The following SFTPD variants were observed in gnomAD, a reference collection of about 807,000 sequenced individuals.
The protein encoded by SFTPD is pulmonary surfactant-associated protein D.
SFTPD carries 18 observed loss-of-function variants against 34.6 expected under a neutral mutation model. The observed-to-expected ratio is 0.52, with a 90% CI of 0.36 to 0.77. The LOEUF (loss-of-function observed/expected upper bound fraction) is 0.77. SFTPD is among the 30% of genes least tolerant of loss of function. The pLI, the probability that SFTPD is intolerant of heterozygous loss-of-function variation, is 0.00. For synonymous variants in SFTPD, 155 were observed against 180.9 expected (o/e 0.86, Z 1.15); for missense variants, 433 against 468.9 (o/e 0.92, Z 0.71).
chr10:79,964,361 T>C (rs1842791705), intron 1 of SFTPD, among the ~76,000 whole-genome samples: 1 of 152,164 alleles, frequency 6.6e-6, no homozygotes. Context: ...AGGCATCAGA[T>C]CCCATTGCTC....
upstream of SFTPD, among the ~76,000 whole-genome samples, chr10:79,953,813 C>T (rs920630417): frequency 6.6e-6 from 1 of 152,010 alleles, no homozygotes; most frequent in Non-Finnish European, 1.5e-5. Flanking sequence ...TCATCGTGTC[C>T]CATAAGTCCC....
intron 1 of SFTPD, among the ~76,000 whole-genome samples, chr10:79,978,242 A>G (rs891965862): frequency 3.3e-5 from 5 of 152,256 alleles, no homozygotes; most frequent in Non-Finnish European, 7.3e-5. Flanking sequence ...CAAATGTAAT[A>G]CATCACAACA....
At position 79,967,485 on chromosome 10, in the gene SFTPD, G is replaced by A. The variant is rs1486203684; in HGVS notation, c.36+15090C>T. 1.2e-3 allele frequency among the ~76,000 whole-genome samples: 165 copies of A among 134,656 alleles called. 1 individual carries two copies. The highest frequency in any genetic ancestry group is 1.7e-3 in the Non-Finnish European group (108 of 64,656). The allele number at this position is 134,656 out of a possible 152,430, so 88.3% of individuals were successfully genotyped here. ...TTCATATGGAACCAAAAAAGAGCCC[G>A]CATCGCCAAGTCAATCCTAAGCCAA... On this transcript the variant is annotated intron_variant, in intron 1 of 5. Coordinates refer to the SFTPD transcript ENST00000444384.
chr10:79,981,805 G>A, intron 1 of SFTPD: 3 of 181,084 alleles, frequency 1.7e-5, no homozygotes, highest in South Asian at 1.7e-4. Context: ...CGACGCCCGG[G>A]GCGCCCAGCG....
intron 1 of SFTPD, chr10:79,970,091 T>C (rs777429624): frequency 6.6e-6 from 1 of 152,250 alleles, no homozygotes; most frequent in Non-Finnish European, 1.5e-5. Context: ...ATCTTCTGCA[T>C]GTGGACCTCC....
intron 1 of SFTPD, among the ~76,000 whole-genome samples, chr10:79,961,389 C>A (rs1022342100): frequency 1.0e-3 from 159 of 152,104 alleles, no homozygotes; most frequent in African/African-American, 3.4e-3. Context: ...ATTTTTGCAA[C>A]CTACTCATCT....
At chr10:79,942,677 G>A in intron 3 of SFTPD, 86 bp downstream of exon 3, 1 of 1,033,918 alleles carries the variant, frequency 9.7e-7, no homozygotes, top group South Asian at 1.3e-5. Flanking sequence ...CTTCTTCCTG[G>A]GATGGGCTCT....
intron 1 of SFTPD, among the ~76,000 whole-genome samples, chr10:79,959,403 C>G (rs1188007850): frequency 2.0e-5 from 3 of 151,948 alleles, no homozygotes; most frequent in Admixed American, 1.3e-4. Flanking sequence ...GCTAGCAAGA[C>G]TAATAAAGAA....
rs142383073 is a variant in SFTPD at position 79,962,559 on chromosome 10, C to T, written c.37-15897G>A. On this transcript the variant is annotated intron_variant, in intron 1 of 5. Transcript: ENST00000444384. The stretch of plus-strand genomic sequence containing the variant: ...ATTTTTTAGTTCTTCTCCTGTCTTC[C>T]TCTCCTCCATTCACCTGTCTTATGT... Among the ~76,000 whole-genome samples, 89 of 151,826 alleles carry T rather than the reference C, an allele frequency of 5.9e-4. No homozygotes were observed. In the East Asian group the frequency reaches 0.014, roughly 24 times the overall value.
At chr10:79,943,379 C>T (rs189999697) in intron 2 of SFTPD, among the ~76,000 whole-genome samples, 157 of 152,278 alleles carry the variant, frequency 1.0e-3, no homozygotes, top group African/African-American at 3.7e-3. Flanking sequence ...AGCCTCAGGT[C>T]CTGCTCAGCA....
At chr10:79,944,793 T>TA (rs1413880676) in intron 2 of SFTPD, among the ~76,000 whole-genome samples, 22 of 152,200 alleles carry the variant, frequency 1.4e-4, no homozygotes, top group African/African-American at 4.8e-4. Context: ...CCCTCCATGA[T>TA]ACGTCGGGGA....
chr10:79,958,772 C>G (rs1156445551), intron 1 of SFTPD, among the ~76,000 whole-genome samples: 1 of 152,202 alleles, frequency 6.6e-6, no homozygotes, highest in East Asian at 1.9e-4. Flanking sequence ...AGGAATTGAA[C>G]TCAGCTCTGC....
chr10:79,971,363 G>A (rs914659211), intron 1 of SFTPD: 9 of 152,110 alleles, frequency 5.9e-5, no homozygotes, highest in Admixed American at 1.3e-4. Context: ...TGAGGGTAAC[G>A]TCATCATAGA....
rs997094905 is a variant in SFTPD, at chr10:79,942,205, GCTC to G, written c.434-138_434-136del. 4 of 762,770 alleles carry G rather than the reference GCTC, an allele frequency of 5.2e-6. No homozygotes were observed. In the African/African-American group the frequency reaches 6.9e-5, roughly 13 times the overall value. The allele number at this position is 762,770 out of a possible 1,614,324, so 47.3% of individuals were successfully genotyped here. ...GGGGAGACTCTCCTTGCTTTCTGGG[GCTC>G]CTCTGTGGAGGGTGAGAGGAAAATA... On this transcript the variant is annotated intron_variant, in intron 4 of 7. Transcript: ENST00000372292.
At chr10:79,951,866 T>A (rs1007239293), upstream of SFTPD, among the ~76,000 whole-genome samples, 1 of 152,076 alleles carries the variant, frequency 6.6e-6, no homozygotes, top group Non-Finnish European at 1.5e-5. Flanking sequence ...GAAACCCCAA[T>A]TATGAGCAGA....
intron 1 of SFTPD, among the ~76,000 whole-genome samples, chr10:79,973,576 C>A (rs538171214): frequency 1.3e-5 from 2 of 148,202 alleles, no homozygotes; most frequent in Non-Finnish European, 3.0e-5. Flanking sequence ...CGGGATCCCG[C>A]CACTGCACTC....
intron 1 of SFTPD, among the ~76,000 whole-genome samples, chr10:79,965,537 T>G (rs1842798386): frequency 4.4e-5 from 1 of 22,776 alleles, no homozygotes; most frequent in Non-Finnish European, 8.7e-5. Flanking sequence ...CATTTTATTT[T>G]TCTTTTTTTT....
rs138026416 is a variant in SFTPD, at chr10:79,955,191, C to T, written c.37-8529G>A. On this transcript the variant is annotated intron_variant, in intron 1 of 5. Coordinates refer to the SFTPD transcript ENST00000444384. ...AGCCTGGTGTTGGGTCTGATCACCCCAACACCAAGGAGCTGGAACCTTTTA... is the reference window on the plus strand; with the variant it reads ...AGCCTGGTGTTGGGTCTGATCACCCTAACACCAAGGAGCTGGAACCTTTTA... 1.2e-3 allele frequency among the ~76,000 whole-genome samples: 184 copies of T among 152,218 alleles called. 1 individual carries two copies. The highest frequency in any genetic ancestry group is 2.6e-3 in the Admixed American group (39 of 15,292).
At chr10:79,941,704 A>G (rs1842613158) in intron 5 of SFTPD, among the ~76,000 whole-genome samples, 190 bp from the exon 6 acceptor site, 1 of 152,114 alleles carries the variant, frequency 6.6e-6, no homozygotes, top group Non-Finnish European at 1.5e-5. Flanking sequence ...CCCGCTGTGG[A>G]AAACTGCCCC....
Sources: allele counts gnomAD v4.1 joint callset (sites outside exome capture counted in the v4.1 genomes callset), GRCh38; gene constraint gnomAD v4.1.1; transcripts MANE v1.5; gene names NCBI Gene and HGNC (gene_info 2026-07-23, HGNC 2026-07-21).